Variants in PARD6G observed in about 807,000 individuals in gnomAD.
PARD6G encodes partitioning defective 6 homolog gamma.
PARD6G carries 7 observed loss-of-function variants against 10.7 expected under a neutral mutation model. The ratio of observed to expected loss-of-function variants is 0.66; its 90% confidence interval spans 0.37 to 1.23. PARD6G has a LOEUF of 1.23. Among genes scored for constraint, PARD6G ranks in the 50% most tolerant of loss-of-function variants. The probability of loss-of-function intolerance (pLI) is 0.02; values close to 1 mark genes in which losing one functional copy is unlikely to be tolerated. For missense variants in PARD6G, 548 were observed against 571.8 expected, an observed-to-expected ratio of 0.96 and a Z score of 0.42; for synonymous variants, 287 against 269.4, an observed-to-expected ratio of 1.07 and a Z score of -0.64.
chr18:80,220,023 A>T lies in PARD6G; in HGVS notation c.73-17091T>A, dbSNP rs186202391. 3.0e-4 allele frequency among the ~76,000 whole-genome samples: 45 copies of T among 152,242 alleles called. 1 individual carries two copies. In the East Asian group the frequency reaches 8.3e-3, roughly 28 times the overall value. On this transcript the variant is annotated intron_variant, in intron 1 of 2. Transcript: ENST00000353265. ...ATTTACTGTATTAGTCTGTTCTCAC[A>T]CTGCTATAAGGACATGCCCAAGACT...
intron 1 of PARD6G, among the ~76,000 whole-genome samples, chr18:80,213,048 A>G (rs1367366024): frequency 1.3e-5 from 2 of 152,148 alleles, no homozygotes; most frequent in Non-Finnish European, 2.9e-5. Flanking sequence ...GTTTATATCA[A>G]TCAGCCCATA....
At chr18:80,166,629 G>A (rs749592078) in intron 2 of PARD6G, among the ~76,000 whole-genome samples, 9 of 151,036 alleles carry the variant, frequency 6.0e-5, no homozygotes, top group Non-Finnish European at 1.2e-4. Context: ...TGTAGAGAGC[G>A]TCAGACAAGC....
At chr18:80,193,952 C>A (rs1966925861) in intron 2 of PARD6G, among the ~76,000 whole-genome samples, 1 of 152,170 alleles carries the variant, frequency 6.6e-6, no homozygotes, top group African/African-American at 2.4e-5. Context: ...ACATGGTGAC[C>A]TCCAGGCTGA....
At chr18:80,222,010 T>C (rs1233024791) in intron 1 of PARD6G, among the ~76,000 whole-genome samples, 6 of 152,110 alleles carry the variant, frequency 3.9e-5, no homozygotes, top group Non-Finnish European at 7.4e-5. Context: ...CTACAGAATA[T>C]TGTTGAAAAA....
chr18:80,222,432 T>C (rs1967242093), intron 1 of PARD6G, among the ~76,000 whole-genome samples: 2 of 152,296 alleles, frequency 1.3e-5, no homozygotes, highest in East Asian at 3.9e-4. Flanking sequence ...CCCAAATTGA[T>C]CTACAGATTC....
At chr18:80,206,880 T>C (rs1389775239) in intron 1 of PARD6G, among the ~76,000 whole-genome samples, 1 of 152,142 alleles carries the variant, frequency 6.6e-6, no homozygotes. Context: ...CTAGTGATTA[T>C]CAATAAATAC....
intron 2 of PARD6G, among the ~76,000 whole-genome samples, chr18:80,185,287 T>C (rs2052868149): frequency 6.6e-6 from 1 of 151,814 alleles, no homozygotes; most frequent in Admixed American, 6.6e-5. Context: ...TCACAGGGTC[T>C]CTCACATATC....
At chr18:80,243,303 T>A (rs1967509108) in intron 1 of PARD6G, among the ~76,000 whole-genome samples, 1 of 152,092 alleles carries the variant, frequency 6.6e-6, no homozygotes, top group Admixed American at 6.5e-5. Context: ...GAAAAAACAC[T>A]CGCAATACAT....
rs377385621 is a variant in PARD6G at position 80,195,437 on chromosome 18, C to A, written c.295+7273G>T. 2.6e-4 allele frequency among the ~76,000 whole-genome samples: 39 copies of A among 151,406 alleles called. No individual in the cohort carries two copies. The East Asian group carries it at 4.3e-3, about 17-fold the overall frequency. ...CGGTGCTATTCCGGCAGGAAAGCAG[C>A]CTCCCCCTGCACCTCAGGCCAGACC... On this transcript the variant is annotated intron_variant, in intron 2 of 2. Transcript: ENST00000353265.
rs559915673 is a variant in PARD6G at position 80,200,487 on chromosome 18, G to A, written c.295+2223C>T. On this transcript the variant is annotated intron_variant, in intron 2 of 2. Transcript: ENST00000353265. This position sits in a 1 kb window ranked among gnomAD's most constrained non-coding sequence, Gnocchi z 4.4. The stretch of plus-strand genomic sequence containing the variant: ...GCACTACCACCCGTGCCACAGATGA[G>A]GACGGTAGAGCTCTGCGGGATGAGG... Among the ~76,000 whole-genome samples, 34 of 152,288 alleles carry A rather than the reference G, an allele frequency of 2.2e-4. No homozygotes were observed. The highest frequency in any genetic ancestry group is 3.4e-3 in the Middle Eastern group (1 of 294).
chr18:80,227,871 C>T (rs1296248819), intron 1 of PARD6G, among the ~76,000 whole-genome samples: 2 of 151,688 alleles, frequency 1.3e-5, no homozygotes, highest in Non-Finnish European at 2.9e-5. Flanking sequence ...AGACCATTCA[C>T]GAGACGTCAA....
chr18:80,168,573 T>G (rs201126868), intron 2 of PARD6G, among the ~76,000 whole-genome samples: 3 of 144,334 alleles, frequency 2.1e-5, no homozygotes, highest in Admixed American at 6.9e-5. Context: ...CAAATTATGT[T>G]TGTGTGTGTG....
At chr18:80,239,748 C>G (rs1444128062) in intron 1 of PARD6G, among the ~76,000 whole-genome samples, 1 of 152,242 alleles carries the variant, frequency 6.6e-6, no homozygotes, top group Non-Finnish European at 1.5e-5. Context: ...GCACTAGTGC[C>G]ACTTACCTTC....
At chr18:80,163,721 C>A (rs1055686863) in intron 2 of PARD6G, among the ~76,000 whole-genome samples, 3 of 152,240 alleles carry the variant, frequency 2.0e-5, no homozygotes, top group African/African-American at 7.2e-5. Context: ...GGCCGGGCCC[C>A]TCCTCGTAAG....
chr18:80,244,320 G>A (rs1458622876), intron 1 of PARD6G, among the ~76,000 whole-genome samples: 1 of 152,114 alleles, frequency 6.6e-6, no homozygotes, highest in Non-Finnish European at 1.5e-5. Context: ...GGTTTGGTGA[G>A]GAACAGATGA....
At position 80,159,424 on chromosome 18, in the gene PARD6G, T is replaced by C. The variant is rs2052678852; in HGVS notation, c.*347A>G. The C allele has an allele frequency of 4.8e-6, 1 of 206,832 alleles. No homozygotes were observed. The highest frequency in any genetic ancestry group is 1.1e-4 in the East Asian group (1 of 9,266). 12.8% of individuals were successfully genotyped at this position (206,832 alleles called of 1,614,324 possible). On this transcript the variant is annotated 3_prime_UTR_variant, in exon 3 of 3. Transcript: ENST00000353265. ...TTACTTAAAAACATGAATTTGACTA[T>C]TTTAAAAAAGTAATTTTAAAGCTTC... is the stretch of plus-strand genomic sequence containing the variant.
At position 80,228,747 on chromosome 18, in the gene PARD6G, TC is replaced by T. The variant is rs1967325532; in HGVS notation, c.72+18529del. Among the ~76,000 whole-genome samples, 1 of 146,228 alleles carries T rather than the reference TC, an allele frequency of 6.8e-6. No homozygotes were observed. The highest frequency in any genetic ancestry group is 1.5e-5 in the Non-Finnish European group (1 of 66,338). ...TGCCTCACACCCCCAGGGGCCTGCC[TC>T]CCATCTAAGGCCCCCACCCCAGGCC... is the stretch of plus-strand genomic sequence containing the variant. On this transcript the variant is annotated intron_variant, in intron 1 of 2. Coordinates refer to ENST00000353265, the MANE Select transcript of PARD6G (RefSeq NM_032510.4). This position sits in a 1 kb window ranked among gnomAD's most constrained non-coding sequence, Gnocchi z 4.6.
chr18:80,240,759 T>G lies in PARD6G; in HGVS notation c.72+6518A>C, dbSNP rs186201947. Reference sequence around the variant, plus strand: ...TGGTCTTGCGGGGTGGTGGGATGACTGGGCTGCACCGGAAACCTCCGATTT... The same window carrying G: ...TGGTCTTGCGGGGTGGTGGGATGACGGGGCTGCACCGGAAACCTCCGATTT... On this transcript the variant is annotated intron_variant, in intron 1 of 2. Coordinates refer to ENST00000353265, the MANE Select transcript of PARD6G (RefSeq NM_032510.4). 1.3e-3 allele frequency among the ~76,000 whole-genome samples: 203 copies of G among 152,260 alleles called. 1 individual carries two copies. The Middle Eastern group carries it at 0.014, about 10-fold the overall frequency.
chr18:80,173,418 C>T (rs2052789857), intron 2 of PARD6G, among the ~76,000 whole-genome samples: 1 of 151,990 alleles, frequency 6.6e-6, no homozygotes, highest in African/African-American at 2.4e-5. Flanking sequence ...TGAGGTCAGG[C>T]GTTTGAGAGC....
Sources: allele counts gnomAD v4.1 joint callset (sites outside exome capture counted in the v4.1 genomes callset), GRCh38; gene constraint gnomAD v4.1.1; non-coding constraint Gnocchi (gnomAD v3.1); transcripts MANE v1.5; gene names NCBI Gene and HGNC (gene_info 2026-07-23, HGNC 2026-07-21).